Variants in C10orf67 observed in about 807,000 individuals in gnomAD.
C10orf67 encodes uncharacterized protein C10orf67, mitochondrial.
In C10orf67, 60 loss-of-function variants were observed where a neutral mutation model predicts 35.6. That is an observed-to-expected ratio of 1.68 (90% confidence interval 1.37 to 2.09). The LOEUF (loss-of-function observed/expected upper bound fraction) is 2.09. C10orf67 is among the 30% of genes most tolerant of loss of function. The pLI is 0.00. For synonymous variants in C10orf67, 167 were observed against 115.8 expected (o/e 1.44, Z -2.84); for missense variants, 474 against 330.2 (o/e 1.44, Z -3.38).
intron 10 of C10orf67, among the ~76,000 whole-genome samples, chr10:23,253,740 T>C (rs1402670409): frequency 6.6e-6 from 1 of 152,204 alleles, no homozygotes; most frequent in African/African-American, 2.4e-5. Flanking sequence ...CCAGCTTTCA[T>C]ATAATGATCA....
At chr10:23,229,238 G>A (rs562470844) in intron 13 of C10orf67, among the ~76,000 whole-genome samples, 1 of 152,068 alleles carries the variant, frequency 6.6e-6, no homozygotes, top group Non-Finnish European at 1.5e-5. Flanking sequence ...TATACACCAT[G>A]GAATACTATG....
At position 23,314,705 on chromosome 10, in the gene C10orf67, T is replaced by C. The variant is rs1278261608; in HGVS notation, c.546+6036A>G. ...TAGAAAAATCCACTTTTTTTTCAGC[T>C]ATAGGACTAGAGGCTTCAGTTTCTT... On this transcript the variant is annotated intron_variant, in intron 4 of 15. Transcript: ENST00000636213. 2.0e-5 allele frequency among the ~76,000 whole-genome samples: 3 copies of C among 152,128 alleles called. No individual in the cohort carries two copies. The East Asian group carries it at 5.8e-4, about 29-fold the overall frequency.
rs879380690 is a variant in C10orf67, at chr10:23,342,241, C to CAT, written c.206+2327_206+2328insAT. On this transcript the variant is annotated intron_variant, in intron 1 of 15. Transcript: ENST00000636213. ...TGCCACACACACACACACACACACACTCTCACACACTTACTCACTTTCCTC... is the reference window on the plus strand; with the variant it reads ...TGCCACACACACACACACACACACACATTCTCACACACTTACTCACTTTCCTC... 2.0e-5 allele frequency among the ~76,000 whole-genome samples: 3 copies of CAT among 150,220 alleles called. No homozygotes were observed. The Admixed American group carries it at 2.0e-4, about 10-fold the overall frequency.
intron 8 of C10orf67, among the ~76,000 whole-genome samples, chr10:23,272,363 T>C (rs1843052097): frequency 6.6e-6 from 1 of 152,254 alleles, no homozygotes; most frequent in African/African-American, 2.4e-5. Context: ...AGTTAACTTT[T>C]ACATGAGGTG....
chr10:23,320,627 C>T (rs1330557954), intron 4 of C10orf67, 114 bp downstream of exon 4: 3 of 723,896 alleles, frequency 4.1e-6, no homozygotes, highest in Admixed American at 5.1e-5. Context: ...ATCGAGGAAA[C>T]AGGCCTTCAG....
At chr10:23,317,338 A>G (rs969114995) in intron 4 of C10orf67, 3 of 152,222 alleles carry the variant, frequency 2.0e-5, no homozygotes, top group African/African-American at 7.2e-5. Context: ...AGCCTGTGGG[A>G]GCAGGGGGGC....
chr10:23,339,402 CA>C (rs34805547), intron 1 of C10orf67, among the ~76,000 whole-genome samples: 6,968 of 72,326 alleles, frequency 0.096, 191 homozygotes, highest in African/African-American at 0.14. Flanking sequence ...AAAAAGGCAG[CA>C]AAAAAAAAAA....
rs369353809 is a variant in C10orf67 at position 23,278,246 on chromosome 10, G to A, written c.975+3767C>T. Among the ~76,000 whole-genome samples, 34 of 152,184 alleles carry A rather than the reference G, an allele frequency of 2.2e-4. No homozygotes were observed. In the South Asian group the frequency reaches 4.8e-3, roughly 21 times the overall value. Reference sequence around the variant, plus strand: ...TCAATGACACTTAAGATTGTAAAGCGATCCTGAGACCAAAAAGGTTGAGAA... The same window carrying A: ...TCAATGACACTTAAGATTGTAAAGCAATCCTGAGACCAAAAAGGTTGAGAA... On this transcript the variant is annotated intron_variant, in intron 8 of 15. Coordinates refer to ENST00000636213, the MANE Select transcript of C10orf67 (RefSeq NM_001371909.1).
At chr10:23,289,760 C>A (rs953739560) in intron 7 of C10orf67, 140 bp downstream of exon 7, 3 of 572,264 alleles carry the variant, frequency 5.2e-6, no homozygotes, top group Non-Finnish European at 9.4e-6. Flanking sequence ...AGTCACCCTT[C>A]CCAAATAGTG....
At position 23,344,744 on chromosome 10, in the gene C10orf67, A is replaced by C; in HGVS notation, c.31T>G (p.Tyr11Asp). Residue 11 changes from tyrosine (Y) to aspartate (D), a missense_variant, in exon 1 of 16, where the codon TAT becomes GAT. Physicochemically the swap from Tyr to Asp is radical, Grantham distance 160 (BLOSUM62 -3). Transcript: ENST00000636213. MALVRDRRAHYVMSIVIRWVH... is the reference protein window; with the variant it reads MALVRDRRAHDVMSIVIRWVH... Reference sequence around the variant, plus strand: ...CATCTAATAACTATGCTCATGACATAATGAGCCCTGCGATCCCGGACCAAG... The same window carrying C: ...CATCTAATAACTATGCTCATGACATCATGAGCCCTGCGATCCCGGACCAAG... 1 of 1,570,798 alleles carries C rather than the reference A, an allele frequency of 6.4e-7. No homozygotes were observed. The highest frequency in any genetic ancestry group is 8.6e-7 in the Non-Finnish European group (1 of 1,158,146).
At chr10:23,295,603 G>A (rs1467707175) in intron 5 of C10orf67, among the ~76,000 whole-genome samples, 1 of 152,172 alleles carries the variant, frequency 6.6e-6, no homozygotes, top group Non-Finnish European at 1.5e-5. Flanking sequence ...AGCCAGGCGG[G>A]TATCATGTTG....
intron 8 of C10orf67, among the ~76,000 whole-genome samples, chr10:23,272,936 A>T (rs1843071075): frequency 6.6e-6 from 1 of 152,182 alleles, no homozygotes; most frequent in Non-Finnish European, 1.5e-5. Flanking sequence ...TAAGCACTTC[A>T]TATTGTTTGA....
chr10:23,286,702 T>C (rs1300715697), intron 7 of C10orf67, among the ~76,000 whole-genome samples: 1 of 151,994 alleles, frequency 6.6e-6, no homozygotes. Context: ...GATGGTTCCC[T>C]GGTTGGTTAT....
rs367987225 is a variant in C10orf67 at position 23,343,353 on chromosome 10, CAT to C, written c.206+1214_206+1215del. ...GGGAAAACTCCCTTGCCCGTTGCAC[CAT>C]GTGGAGACACAGCCAGGAGGTACTG... On this transcript the variant is annotated intron_variant, in intron 1 of 15. Transcript: ENST00000636213. Among the ~76,000 whole-genome samples the C allele has an allele frequency of 1.5e-3, 225 of 152,166 alleles. 1 individual carries two copies. Among genetic ancestry groups the C allele is most frequent in the African/African-American group, 4.9e-3 (205 of 41,522 alleles).
chr10:23,250,761 A>G (rs1002520118), intron 10 of C10orf67, 70 bp from the exon 11 acceptor site: 7 of 397,304 alleles, frequency 1.8e-5, no homozygotes, highest in African/African-American at 1.4e-4. Context: ...TAAATCTGAA[A>G]AGACTATTTC....
chr10:23,339,528 A>G (rs1417417895), intron 1 of C10orf67, among the ~76,000 whole-genome samples: 4 of 151,772 alleles, frequency 2.6e-5, no homozygotes, highest in Non-Finnish European at 5.9e-5. Flanking sequence ...TTTCGCAGCC[A>G]CTGGGCAAGC....
chr10:23,317,540 CTT>C (rs969544396), intron 4 of C10orf67: 1 of 152,202 alleles, frequency 6.6e-6, no homozygotes, highest in Non-Finnish European at 1.5e-5. Context: ...CAGCCGGCAT[CTT>C]TGCAGCAGCT....
chr10:23,325,987 A>G (rs371202738), intron 2 of C10orf67, among the ~76,000 whole-genome samples: 1 of 152,164 alleles, frequency 6.6e-6, no homozygotes, highest in Non-Finnish European at 1.5e-5. Flanking sequence ...AGATGTATCA[A>G]TAAAAAATAG....
At chr10:23,320,118 C>A (rs973277688) in intron 4 of C10orf67, among the ~76,000 whole-genome samples, 1 of 152,188 alleles carries the variant, frequency 6.6e-6, no homozygotes, top group African/African-American at 2.4e-5. Context: ...AACGGAGATA[C>A]TTCACAAGCA....
Sources: gnomAD v4.1 joint callset for allele counts (sites outside exome capture counted in the v4.1 genomes callset) on GRCh38, gnomAD v4.1.1 for gene constraint, MANE v1.5 for transcripts, NCBI Gene and HGNC (gene_info 2026-07-23, HGNC 2026-07-21) for gene names.